The following C1orf159 variants were observed in gnomAD, a reference collection of about 807,000 sequenced individuals.
C1orf159 encodes the protein chromosome 1 open reading frame 159.
In C1orf159, 19 loss-of-function variants were observed where a neutral mutation model predicts 25.6. That is an observed-to-expected ratio of 0.74 (90% CI 0.52 to 1.09). The LOEUF is 1.09. C1orf159 is among the 50% of genes least tolerant of loss of function. C1orf159 has a pLI of 0.00. For synonymous variants in C1orf159, 139 were observed against 124.7 expected, an observed-to-expected ratio of 1.12 and a Z score of -0.77; for missense variants, 274 against 290.6, an observed-to-expected ratio of 0.94 and a Z score of 0.42.
At position 1,082,105 on chromosome 1, in the gene C1orf159, G is replaced by C. The variant is rs1309771464; in HGVS notation, c.*788C>G. 1 of 152,572 alleles carries C rather than the reference G, an allele frequency of 6.6e-6. No homozygotes were observed. The highest frequency in any genetic ancestry group is 1.9e-4 in the East Asian group (1 of 5,196). The allele number at this position is 152,572 out of a possible 1,614,324, so 9.5% of individuals were successfully genotyped here. On this transcript the variant is annotated 3_prime_UTR_variant, in exon 10 of 10. Transcript: ENST00000421241. The stretch of plus-strand genomic sequence containing the variant: ...GGAGGGACCCCAGGACTCAGCGCCA[G>C]GGCAGCCTTGGCAGGTGCAGTGAGG...
intron 1 of C1orf159, among the ~76,000 whole-genome samples, chr1:1,105,395 C>A (rs928112619): frequency 6.6e-6 from 1 of 152,018 alleles, no homozygotes; most frequent in African/African-American, 2.4e-5. Flanking sequence ...GTGATCCCAG[C>A]TACTTGGGAG....
chr1:1,091,174 G>T, intron 3 of C1orf159: 1 of 618,230 alleles, frequency 1.6e-6, no homozygotes, highest in Non-Finnish European at 2.9e-6. Flanking sequence ...AGCGATGCGC[G>T]GCACGCTGTG....
chr1:1,091,679 A>C, intron 2 of C1orf159, 114 bp from the exon 3 acceptor site: 1 of 473,790 alleles, frequency 2.1e-6, no homozygotes, highest in Non-Finnish European at 3.9e-6. Context: ...GGCCAAGGCA[A>C]GGAGGGCAGA....
rs1468392588 is a variant in C1orf159 at position 1,116,024 on chromosome 1, C to T, written c.-136+36G>A. 1 of 152,258 alleles carries T rather than the reference C, an allele frequency of 6.6e-6. No individual in the cohort carries two copies. The highest frequency in any genetic ancestry group is 6.5e-5 in the Admixed American group (1 of 15,276). 9.4% of individuals were successfully genotyped at this position (152,258 alleles called of 1,614,324 possible). A position where few individuals can be genotyped will look rare whatever the true frequency, so the allele number is the denominator to read the frequency against. ...CCAGACGGACCCCAGCGCCCCAACCCGCTACCCTCACGCCTGCCCCCAGCC... is the reference window on the plus strand; with the variant it reads ...CCAGACGGACCCCAGCGCCCCAACCTGCTACCCTCACGCCTGCCCCCAGCC... On this transcript the variant is annotated intron_variant, in intron 1 of 9. Coordinates refer to ENST00000421241, the MANE Select transcript of C1orf159 (RefSeq NM_017891.5). The surrounding 1 kb of genome is among the most constrained non-coding windows in gnomAD (Gnocchi z 4.8).
chr1:1,104,269 G>C (rs1268284131), intron 1 of C1orf159, among the ~76,000 whole-genome samples: 1 of 152,240 alleles, frequency 6.6e-6, no homozygotes, highest in African/African-American at 2.4e-5. Context: ...TCACAGGCGT[G>C]AGCCACTGCA....
chr1:1,091,677 C>A (rs1267980308), intron 2 of C1orf159, 112 bp from the exon 3 acceptor site: 18 of 547,982 alleles, frequency 3.3e-5, no homozygotes, highest in South Asian at 3.1e-4. Flanking sequence ...CGGGCCAAGG[C>A]AAGGAGGGCA....
intron 8 of C1orf159, 46 bp downstream of exon 8, chr1:1,084,435 C>T: frequency 6.3e-7 from 1 of 1,578,478 alleles, no homozygotes; most frequent in Non-Finnish European, 8.6e-7. Context: ...CTGGCACAGG[C>T]ACACGCGGCC....
At chr1:1,092,588 C>A (rs1220137446) in intron 1 of C1orf159, 1 of 153,298 alleles carries the variant, frequency 6.5e-6, no homozygotes, top group Admixed American at 6.5e-5. Flanking sequence ...TGAGGCCCAG[C>A]CAGGCCTGTG....
intron 7 of C1orf159, among the ~76,000 whole-genome samples, chr1:1,084,959 G>A (rs548863610): frequency 6.6e-5 from 10 of 152,274 alleles, no homozygotes; most frequent in African/African-American, 9.6e-5. Flanking sequence ...TGGGGGTGCC[G>A]TGGCATCGTG....
intron 1 of C1orf159, among the ~76,000 whole-genome samples, chr1:1,113,036 A>C (rs1001811901): frequency 5.3e-5 from 8 of 152,108 alleles, no homozygotes; most frequent in Admixed American, 2.0e-4. Flanking sequence ...TCTCTACTAA[A>C]ATACAAAAAA....
At chr1:1,095,328 A>G (rs1475449360) in intron 1 of C1orf159, among the ~76,000 whole-genome samples, 3 of 152,240 alleles carry the variant, frequency 2.0e-5, no homozygotes, top group Non-Finnish European at 4.4e-5. Context: ...GTCTCTCTTC[A>G]TCCCTCCGCA....
intron 7 of C1orf159, 74 bp from the exon 8 acceptor site, chr1:1,084,580 G>A (rs1238972369): frequency 6.5e-7 from 1 of 1,532,882 alleles, no homozygotes; most frequent in Non-Finnish European, 8.8e-7. Context: ...CAGCGTCCGG[G>A]ACAGCAGAGC....
In C1orf159 at chr1:1,102,093, A is replaced by C. The variant is rs950843552; in HGVS notation, c.-135-9990T>G. 7.7e-4 allele frequency among the ~76,000 whole-genome samples: 109 copies of C among 142,208 alleles called. No homozygotes were observed. In the East Asian group the frequency reaches 0.021, roughly 27 times the overall value. The allele number at this position is 142,208 out of a possible 152,430, so 93.3% of individuals were successfully genotyped here. On this transcript the variant is annotated intron_variant, in intron 1 of 9. Coordinates refer to ENST00000421241, the MANE Select transcript of C1orf159 (RefSeq NM_017891.5). ...TCTCAAAAAAAAAAAAAAAAAAAAA[A>C]AAACAAACTTTTGAAGTGATGGGTC... is the stretch of plus-strand genomic sequence containing the variant.
chr1:1,091,011 CA>C lies in C1orf159; in HGVS notation c.72+460del, dbSNP rs761916425. Reference sequence around the variant, plus strand: ...GAATGCAGTGAACGGTGAGGGCGTCCAGGGGTGACTGCGGAGTGCGGGATAG... The same window carrying C: ...GAATGCAGTGAACGGTGAGGGCGTCCGGGGTGACTGCGGAGTGCGGGATAG... On this transcript the variant is annotated intron_variant, in intron 3 of 9. Coordinates refer to ENST00000421241, the MANE Select transcript of C1orf159 (RefSeq NM_017891.5). 19 of 1,519,208 alleles carry C rather than the reference CA, an allele frequency of 1.3e-5. No homozygotes were observed. In the South Asian group the frequency reaches 2.0e-4, roughly 16 times the overall value. 94.1% of individuals were successfully genotyped at this position (1,519,208 alleles called of 1,614,324 possible).
intron 6 of C1orf159, among the ~76,000 whole-genome samples, chr1:1,086,659 C>T (rs1031378266): frequency 6.6e-6 from 1 of 152,268 alleles, no homozygotes. Context: ...GCCAACCCCA[C>T]CCTAAAACAC....
At chr1:1,108,252 G>T (rs1646205006) in intron 1 of C1orf159, among the ~76,000 whole-genome samples, 7 of 128,954 alleles carry the variant, frequency 5.4e-5, no homozygotes, top group African/African-American at 1.6e-4. Flanking sequence ...GTTCACCACA[G>T]CCACCATGTC....
At chr1:1,101,836 C>T (rs1173883154) in intron 1 of C1orf159, among the ~76,000 whole-genome samples, 4 of 152,046 alleles carry the variant, frequency 2.6e-5, no homozygotes, top group African/African-American at 7.2e-5. Context: ...CTTTAGGAAG[C>T]TGAGGCAGGC....
Position 1,085,895 on chromosome 1 carries a change from C to G in C1orf159, c.428G>C (p.Cys143Ser), listed in dbSNP as rs140601180. 2.0e-5 allele frequency: 32 copies of G among 1,613,206 alleles called. No individual in the cohort carries two copies. The highest frequency in any genetic ancestry group is 1.7e-4 in the African/African-American group (13 of 74,930). ...GGAGATACCTTTGTTTCTTCTGTAGCAGGCCCTGGGGAGTTTACTGGAGCG... is the reference window on the plus strand; with the variant it reads ...GGAGATACCTTTGTTTCTTCTGTAGGAGGCCCTGGGGAGTTTACTGGAGCG... ...LKRSSKLPRA[C>S]YRRNKAPALQ... Residue 143 changes from cysteine (C) to serine (S), a missense_variant, in exon 7 of 10, where the codon TGC becomes TCC. Transcript: ENST00000421241.
At chr1:1,098,251 A>C (rs764846335) in intron 1 of C1orf159, among the ~76,000 whole-genome samples, 6 of 152,006 alleles carry the variant, frequency 3.9e-5, no homozygotes, top group African/African-American at 7.2e-5. Flanking sequence ...TTAAACTTTT[A>C]GTAGAGATGG....
Sources: allele counts gnomAD v4.1 joint callset (sites outside exome capture counted in the v4.1 genomes callset), GRCh38; gene constraint gnomAD v4.1.1; non-coding constraint Gnocchi (gnomAD v3.1); transcripts MANE v1.5; gene names NCBI Gene and HGNC (gene_info 2026-07-23, HGNC 2026-07-21).